The following MARCHF3 variants were observed in gnomAD, a reference collection of about 807,000 sequenced individuals.
MARCHF3 encodes the protein E3 ubiquitin-protein ligase MARCHF3.
A neutral mutation model predicts 24.2 loss-of-function variants in MARCHF3; 13 were observed. The observed-to-expected ratio is 0.54, with a 90% CI of 0.35 to 0.85. The LOEUF (loss-of-function observed/expected upper bound fraction) is 0.85, where lower values mean the gene tolerates loss of function less well. MARCHF3 is among the 40% of genes least tolerant of loss of function. MARCHF3 has a pLI of 0.01. For synonymous variants in MARCHF3, 144 were observed against 137.3 expected (o/e 1.05, Z -0.34); for missense variants, 276 against 325.0 (o/e 0.85, Z 1.16).
At chr5:126,996,227 A>G (rs574672349) in intron 1 of MARCHF3, among the ~76,000 whole-genome samples, 1 of 152,304 alleles carries the variant, frequency 6.6e-6, no homozygotes, top group African/African-American at 2.4e-5. Context: ...CAGGAAAGTT[A>G]TAGAGGAAAG....
chr5:126,912,178 C>T (rs1372025195), intron 3 of MARCHF3, among the ~76,000 whole-genome samples: 1 of 152,196 alleles, frequency 6.6e-6, no homozygotes, highest in Non-Finnish European at 1.5e-5. Flanking sequence ...TAAAAATGAA[C>T]ATCCAACTGT....
At chr5:126,908,857 C>T (rs1464305521) in intron 3 of MARCHF3, among the ~76,000 whole-genome samples, 1 of 152,188 alleles carries the variant, frequency 6.6e-6, no homozygotes, top group Non-Finnish European at 1.5e-5. Flanking sequence ...TGTTCTGTTG[C>T]TGGTGAGGAC....
At chr5:127,028,933 C>A (rs1753086647) in intron 1 of MARCHF3, among the ~76,000 whole-genome samples, 1 of 152,168 alleles carries the variant, frequency 6.6e-6, no homozygotes, top group South Asian at 2.1e-4. Context: ...CCCCAGTGGT[C>A]GGACTGAAGT....
chr5:126,899,761 ATTT>A (rs1372469151), intron 3 of MARCHF3, among the ~76,000 whole-genome samples: 11 of 151,986 alleles, frequency 7.2e-5, no homozygotes, highest in Non-Finnish European at 1.2e-4. Context: ...AACAGACTTT[ATTT>A]TTTAGAGCAG....
chr5:126,928,641 T>C (rs943069870), intron 1 of MARCHF3, among the ~76,000 whole-genome samples: 12 of 152,226 alleles, frequency 7.9e-5, no homozygotes, highest in African/African-American at 2.4e-5. Flanking sequence ...TAGAACATGA[T>C]AGTAAATCCA....
intron 3 of MARCHF3, among the ~76,000 whole-genome samples, chr5:126,894,982 C>A (rs1024022630): frequency 2.6e-5 from 4 of 152,078 alleles, no homozygotes; most frequent in African/African-American, 9.7e-5. Context: ...CACACAGTCC[C>A]ATATTTCTTG....
rs554365996 is a variant in MARCHF3 at position 126,917,554 on chromosome 5, T to A, written c.188+430A>T. 1.3e-4 allele frequency among the ~76,000 whole-genome samples: 20 copies of A among 152,126 alleles called. No homozygotes were observed. The South Asian group carries it at 4.0e-3, about 30-fold the overall frequency. On this transcript the variant is annotated intron_variant, in intron 2 of 4. Transcript: ENST00000308660. ...CAGCGCTTCCATCAGGCAATGCCAG[T>A]CCACATGCACACCAAGAATGTCACT...
chr5:126,919,418 A>T (rs182119785), intron 1 of MARCHF3, among the ~76,000 whole-genome samples: 60 of 152,336 alleles, frequency 3.9e-4, no homozygotes, highest in Admixed American at 3.9e-3. Context: ...CTGAGCTCAC[A>T]TCAAGAACCC....
Position 126,938,281 on chromosome 5 carries a change from C to G in MARCHF3, c.-56-20054G>C, listed in dbSNP as rs148924885. 1.7e-3 allele frequency among the ~76,000 whole-genome samples: 257 copies of G among 150,806 alleles called. 1 individual carries two copies. Among genetic ancestry groups the G allele is most frequent in the African/African-American group, 6.1e-3 (248 of 40,976 alleles). ...CTCCCAGGTTCAAGCGATTCTGATG[C>G]CTCAGCCTCCCGAGTAGCTGGGATT... On this transcript the variant is annotated intron_variant, in intron 1 of 4. Coordinates refer to ENST00000308660, the MANE Select transcript of MARCHF3 (RefSeq NM_178450.5).
chr5:126,967,674 C>G (rs1005229281), intron 1 of MARCHF3, among the ~76,000 whole-genome samples: 16 of 152,144 alleles, frequency 1.1e-4, no homozygotes, highest in Admixed American at 3.9e-4. Flanking sequence ...GCCTGGGTGA[C>G]AAGAGCAAGA....
chr5:126,946,416 T>A (rs1334013457), intron 1 of MARCHF3: 7 of 138,004 alleles, frequency 5.1e-5, no homozygotes, highest in African/African-American at 1.9e-4. Context: ...TAAAAAAAAA[T>A]GCCAGAGTCC....
intron 1 of MARCHF3, among the ~76,000 whole-genome samples, chr5:126,984,720 A>T (rs747006626): frequency 2.0e-5 from 3 of 152,244 alleles, no homozygotes; most frequent in Non-Finnish European, 2.9e-5. Flanking sequence ...CAAGCCACAG[A>T]CTGGAGATTA....
At chr5:126,952,593 C>T (rs1750292456) in intron 1 of MARCHF3, among the ~76,000 whole-genome samples, 1 of 151,856 alleles carries the variant, frequency 6.6e-6, no homozygotes, top group Non-Finnish European at 1.5e-5. Flanking sequence ...TACCATTGTT[C>T]CCTCCTTTCC....
chr5:126,873,487 A>G (rs1753041376), intron 4 of MARCHF3, among the ~76,000 whole-genome samples: 1 of 151,962 alleles, frequency 6.6e-6, no homozygotes, highest in Non-Finnish European at 1.5e-5. Context: ...GTCCTGGACC[A>G]GCAGCAGGCT....
rs1193083543 is a variant in MARCHF3, at chr5:126,954,228, T to A, written c.-56-36001A>T. 2.0e-5 allele frequency among the ~76,000 whole-genome samples: 3 copies of A among 149,780 alleles called. No individual in the cohort carries two copies. The East Asian group carries it at 5.8e-4, about 29-fold the overall frequency. On this transcript the variant is annotated intron_variant, in intron 1 of 4. Coordinates refer to ENST00000308660, the MANE Select transcript of MARCHF3 (RefSeq NM_178450.5). ...TTTTTTTTTTTTTTTTTTTTGTATT[T>A]TCAGTAGAGACGAGGTTTCACCGTG... is the stretch of plus-strand genomic sequence containing the variant.
At chr5:126,934,057 C>T (rs984508010) in intron 1 of MARCHF3, among the ~76,000 whole-genome samples, 6 of 152,068 alleles carry the variant, frequency 3.9e-5, no homozygotes, top group East Asian at 1.9e-4. Flanking sequence ...AAAACATACG[C>T]GATTTCTTTA....
At chr5:127,005,143 T>C (rs1201835666) in intron 1 of MARCHF3, among the ~76,000 whole-genome samples, 71 of 148,050 alleles carry the variant, frequency 4.8e-4, no homozygotes, top group African/African-American at 5.0e-4. Flanking sequence ...CTTTTTTTTT[T>C]TTTTTTTTTT....
chr5:126,952,439 C>G (rs1374646244), intron 1 of MARCHF3, among the ~76,000 whole-genome samples: 4 of 151,996 alleles, frequency 2.6e-5, no homozygotes, highest in Admixed American at 2.0e-4. Context: ...TACACTATAC[C>G]TAGTCCTGGT....
chr5:126,963,913 G>A (rs1054240641), intron 1 of MARCHF3, among the ~76,000 whole-genome samples: 1 of 152,114 alleles, frequency 6.6e-6, no homozygotes, highest in African/African-American at 2.4e-5. Context: ...GAAGCATCAG[G>A]GGCTGAGAGA....
Sources: allele counts gnomAD v4.1 joint callset (sites outside exome capture counted in the v4.1 genomes callset), GRCh38; gene constraint gnomAD v4.1.1; transcripts MANE v1.5; gene names NCBI Gene and HGNC (gene_info 2026-07-23, HGNC 2026-07-21).